The following CDH23 variants were observed in gnomAD, a reference collection of about 807,000 sequenced individuals.
The protein encoded by CDH23 is cadherin-23.
CDH23 carries 189 observed loss-of-function variants against 317.1 expected under a neutral mutation model. The ratio of observed to expected loss-of-function variants is 0.60; its 90% CI spans 0.53 to 0.67. The LOEUF (loss-of-function observed/expected upper bound fraction) is 0.67, where lower values mean the gene tolerates loss of function less well. Ranked by LOEUF, CDH23 falls within the 30% of genes least tolerant of loss-of-function variation. CDH23 has a pLI of 0.00. For synonymous variants in CDH23, 1,839 were observed against 1,876.8 expected (o/e 0.98, Z 0.52); for missense variants, 4,401 against 4,592.4 (o/e 0.96, Z 1.20).
chr10:71,811,081 CAAAAAA>C (rs35466313), intron 62 of CDH23, among the ~76,000 whole-genome samples: 1 of 67,040 alleles, frequency 1.5e-5, no homozygotes, highest in Non-Finnish European at 2.8e-5. Context: ...GACTCCATCT[CAAAAAA>C]AAAAAAAAAA....
intron 22 of CDH23, 66 bp downstream of exon 22, chr10:71,695,591 G>A: frequency 8.9e-7 from 1 of 1,127,154 alleles, no homozygotes; most frequent in Non-Finnish European, 1.3e-6. Flanking sequence ...CCCTCCCACT[G>A]CGATTCCAGG....
intron 22 of CDH23, among the ~76,000 whole-genome samples, chr10:71,697,406 C>T (rs886600971): frequency 3.3e-5 from 5 of 152,204 alleles, no homozygotes; most frequent in East Asian, 1.9e-4. Flanking sequence ...CAGTGGCTCA[C>T]GCCTGTAATC....
intron 38 of CDH23, among the ~76,000 whole-genome samples, chr10:71,758,821 G>A (rs939229261): frequency 6.6e-6 from 1 of 152,188 alleles, no homozygotes; most frequent in African/African-American, 2.4e-5. Flanking sequence ...GAGCCCAGGA[G>A]TTCAAGACCA....
At chr10:71,489,786 T>A (rs1050909774) in intron 3 of CDH23, among the ~76,000 whole-genome samples, 2 of 152,196 alleles carry the variant, frequency 1.3e-5, no homozygotes, top group Non-Finnish European at 2.9e-5. Flanking sequence ...TAAATTAAAT[T>A]CTTCACTTAA....
intron 11 of CDH23, among the ~76,000 whole-genome samples, chr10:71,643,615 T>A (rs1327121724): frequency 1.3e-5 from 2 of 151,906 alleles, no homozygotes; most frequent in African/African-American, 4.8e-5. Flanking sequence ...GGTCCCATGC[T>A]TGTCCCTCTT....
intron 6 of CDH23, among the ~76,000 whole-genome samples, chr10:71,564,239 C>A (rs1482098010): frequency 6.6e-6 from 1 of 152,166 alleles, no homozygotes; most frequent in African/African-American, 2.4e-5. Context: ...CATGGAACAG[C>A]AGCTGGGTGT....
intron 2 of CDH23, among the ~76,000 whole-genome samples, chr10:71,443,781 AAGCTGCTGAGCACAC>A (rs1174146032): frequency 6.6e-6 from 1 of 152,178 alleles, no homozygotes; most frequent in Non-Finnish European, 1.5e-5. Context: ...GGAGGCCCCA[AAGCTGCTGAGCACAC>A]AGCTGCTGCG....
At chr10:71,474,063 C>A (rs1851659519) in intron 3 of CDH23, among the ~76,000 whole-genome samples, 1 of 152,230 alleles carries the variant, frequency 6.6e-6, no homozygotes, top group Non-Finnish European at 1.5e-5. Context: ...GCACTGCTCT[C>A]ATGCCAGGCT....
intron 3 of CDH23, among the ~76,000 whole-genome samples, chr10:71,493,361 G>A (rs1589133843): frequency 2.0e-5 from 3 of 152,078 alleles, no homozygotes; most frequent in South Asian, 4.2e-4. Flanking sequence ...AGTGTTCTCA[G>A]ACTCCACACT....
rs754901434 is a variant in CDH23, at chr10:71,401,318, A to G, written c.-6+4000A>G. Among the ~76,000 whole-genome samples the G allele has an allele frequency of 1.1e-4, 16 of 152,204 alleles. 1 individual carries two copies. The East Asian group carries it at 2.1e-3, about 20-fold the overall frequency. ...TCCTTGGTGCTTCTTACCATTCTGC[A>G]TGGCTCTGGCCTCTCAGTAGCCACT... On this transcript the variant is annotated intron_variant, in intron 1 of 69. Transcript: ENST00000224721.
chr10:71,813,013 A>T (rs1330268209), intron 68 of CDH23, 123 bp downstream of exon 68: 1 of 1,464,410 alleles, frequency 6.8e-7, no homozygotes, highest in Non-Finnish European at 9.2e-7. Context: ...GGGCGAGAAC[A>T]CCAGGGCTGA....
At chr10:71,475,977 G>A (rs777234041) in intron 3 of CDH23, among the ~76,000 whole-genome samples, 11 of 152,252 alleles carry the variant, frequency 7.2e-5, no homozygotes, top group Non-Finnish European at 1.5e-4. Context: ...TCAAAGCAAG[G>A]GGGTGGCTGA....
chr10:71,616,044 A>G (rs1861169617), intron 10 of CDH23, among the ~76,000 whole-genome samples: 1 of 152,230 alleles, frequency 6.6e-6, no homozygotes, highest in Non-Finnish European at 1.5e-5. Flanking sequence ...GCAATGCAGC[A>G]GGGAGCAATG....
intron 6 of CDH23, among the ~76,000 whole-genome samples, chr10:71,524,269 C>T (rs143113959): frequency 6.8e-4 from 103 of 152,288 alleles, no homozygotes; most frequent in Middle Eastern, 3.4e-3. Flanking sequence ...GGGGACTCAG[C>T]GGATTTGTTG....
rs114968997 is a variant in CDH23 at position 71,529,880 on chromosome 10, G to A, written c.429+18668G>A. ...GACAGGCCCCTCTCACCCAGCCTGG[G>A]GTGGGAACAGGTCTGCTGCAAGGAG... is the stretch of plus-strand genomic sequence containing the variant. On this transcript the variant is annotated intron_variant, in intron 6 of 69. Coordinates refer to ENST00000224721, the MANE Select transcript of CDH23 (RefSeq NM_022124.6). Among the ~76,000 whole-genome samples the A allele has an allele frequency of 6.2e-3, 936 of 152,148 alleles. 13 individuals carry two copies. The highest frequency in any genetic ancestry group is 0.021 in the African/African-American group (888 of 41,506).
At chr10:71,445,294 G>A (rs1200880743) in intron 2 of CDH23, among the ~76,000 whole-genome samples, 3 of 152,208 alleles carry the variant, frequency 2.0e-5, no homozygotes, top group Admixed American at 1.3e-4. Context: ...TAGCTGGTAT[G>A]GAGAAGGGGT....
chr10:71,514,290 C>A (rs536605697), intron 6 of CDH23, among the ~76,000 whole-genome samples: 1 of 152,288 alleles, frequency 6.6e-6, no homozygotes, highest in African/African-American at 2.4e-5. Context: ...AGAGCCAGCC[C>A]AGGAAGCTGC....
chr10:71,789,679 A>C (rs12414476), intron 45 of CDH23, among the ~76,000 whole-genome samples: 3 of 152,124 alleles, frequency 2.0e-5, no homozygotes, highest in African/African-American at 7.2e-5. Context: ...GTGTGTGTCC[A>C]TACCAAGGCA....
At chr10:71,694,396 A>G in intron 21 of CDH23, 137 bp downstream of exon 21, 1 of 645,566 alleles carries the variant, frequency 1.5e-6, no homozygotes, top group Non-Finnish European at 2.7e-6. Flanking sequence ...AAATGAACCC[A>G]TCAGCAGCAG....
Sources: allele counts gnomAD v4.1 joint callset (sites outside exome capture counted in the v4.1 genomes callset), GRCh38; gene constraint gnomAD v4.1.1; transcripts MANE v1.5; gene names NCBI Gene and HGNC (gene_info 2026-07-23, HGNC 2026-07-21).